EPC2: variants seen among roughly 807,000 people sequenced by gnomAD.
The protein encoded by EPC2 is enhancer of polycomb homolog 2.
Under a neutral mutation model 92.1 loss-of-function variants are expected in EPC2, and 14 were observed. That is an observed-to-expected ratio of 0.15 (90% CI 0.10 to 0.24). The LOEUF is 0.24. Among genes scored for constraint, EPC2 ranks in the 10% least tolerant of loss-of-function variants. The pLI is 1.00. For synonymous variants in EPC2, 340 were observed against 334.7 expected (o/e 1.02, Z -0.17); for missense variants, 755 against 971.5 (o/e 0.78, Z 2.96).
At chr2:148,707,848 AG>A (rs1419855738) in intron 2 of EPC2, among the ~76,000 whole-genome samples, 14 of 152,244 alleles carry the variant, frequency 9.2e-5, no homozygotes, top group Non-Finnish European at 2.9e-5. Context: ...CATTTAAAGC[AG>A]TGTGTGAGGG....
In EPC2 at chr2:148,644,882, G is replaced by C. The variant is rs1683760155; in HGVS notation, c.-136G>C. On this transcript the variant is annotated 5_prime_UTR_variant, in exon 1 of 14. Coordinates refer to ENST00000258484, the MANE Select transcript of EPC2 (RefSeq NM_015630.4). ...GGGTGGGCGCCCATGCTGTGGCCGG[G>C]GGCAGTGAGGAGGAGGAGGAGCGGG... 1.4e-6 allele frequency: 1 copy of C among 736,906 alleles called. No homozygotes were observed. The highest frequency in any genetic ancestry group is 2.2e-6 in the Non-Finnish European group (1 of 457,476). 45.6% of individuals were successfully genotyped at this position (736,906 alleles called of 1,614,324 possible). A position where few individuals can be genotyped will look rare whatever the true frequency, so the allele number is the denominator to read the frequency against.
At chr2:148,778,513 C>G (rs956508216) in intron 10 of EPC2, among the ~76,000 whole-genome samples, 3 of 152,076 alleles carry the variant, frequency 2.0e-5, no homozygotes, top group Admixed American at 6.5e-5. Context: ...TGCTTTCAAT[C>G]AAATTTCTGC....
intron 2 of EPC2, among the ~76,000 whole-genome samples, chr2:148,717,533 C>T (rs1682284177): frequency 6.6e-6 from 1 of 152,132 alleles, no homozygotes; most frequent in Non-Finnish European, 1.5e-5. Flanking sequence ...TGTTCAGTTT[C>T]CATGTAGTTA....
intron 10 of EPC2, among the ~76,000 whole-genome samples, chr2:148,775,658 A>AAATTAAATAAAATTAAATTT (rs1553451005): frequency 1.8e-3 from 252 of 138,578 alleles, no homozygotes; most frequent in African/African-American, 6.4e-3. Context: ...TCTTTAAATA[A>AAATTAAATAAAATTAAATTT]AATTAAATAA....
chr2:148,764,477 G>GT (rs1032835357), intron 6 of EPC2, among the ~76,000 whole-genome samples: 2 of 151,914 alleles, frequency 1.3e-5, no homozygotes, highest in African/African-American at 2.4e-5. Context: ...AAAAGTGAGG[G>GT]TTTTTTTCCT....
At chr2:148,652,779 C>T (rs1304047794) in intron 1 of EPC2, among the ~76,000 whole-genome samples, 1 of 152,114 alleles carries the variant, frequency 6.6e-6, no homozygotes, top group Non-Finnish European at 1.5e-5. Flanking sequence ...TTATGAGGAT[C>T]GATTATATTC....
chr2:148,680,944 G>A (rs1224377760), intron 1 of EPC2, among the ~76,000 whole-genome samples: 3 of 152,172 alleles, frequency 2.0e-5, no homozygotes, highest in East Asian at 3.8e-4. Context: ...ATTTGGGAGA[G>A]GTATGGTGCT....
At chr2:148,776,852 C>CTTTTTT in intron 10 of EPC2, among the ~76,000 whole-genome samples, 1 of 99,856 alleles carries the variant, frequency 1.0e-5, no homozygotes, top group East Asian at 5.3e-4. Flanking sequence ...CCCTGTCTCT[C>CTTTTTT]TCTCTTTTTT....
chr2:148,712,052 C>T (rs978729565), intron 2 of EPC2, among the ~76,000 whole-genome samples: 2 of 151,990 alleles, frequency 1.3e-5, no homozygotes, highest in Non-Finnish European at 2.9e-5. Context: ...GTATTTAGAC[C>T]ATTGATATTT....
intron 2 of EPC2, chr2:148,691,444 G>C: frequency 7.1e-7 from 1 of 1,417,634 alleles, no homozygotes; most frequent in Non-Finnish European, 9.7e-7. Context: ...TTTTTAAAGA[G>C]TTCCCTGTGT....
intron 6 of EPC2, among the ~76,000 whole-genome samples, chr2:148,764,372 A>C (rs542914657): frequency 6.6e-6 from 1 of 152,302 alleles, no homozygotes; most frequent in African/African-American, 2.4e-5. Flanking sequence ...CCCTTCAGTC[A>C]GTGTCTTTGC....
chr2:148,766,294 C>T (rs1683406469), intron 7 of EPC2, among the ~76,000 whole-genome samples: 1 of 152,104 alleles, frequency 6.6e-6, no homozygotes, highest in African/African-American at 2.4e-5. Flanking sequence ...TTGCTATAAC[C>T]ATTTAAAATC....
At chr2:148,716,856 A>G (rs1682272166) in intron 2 of EPC2, among the ~76,000 whole-genome samples, 1 of 152,142 alleles carries the variant, frequency 6.6e-6, no homozygotes, top group African/African-American at 2.4e-5. Flanking sequence ...TTAGCTGTGA[A>G]TCCGTCTGGT....
intron 1 of EPC2, among the ~76,000 whole-genome samples, chr2:148,667,048 TAGAA>T (rs536638541): frequency 1.3e-5 from 2 of 152,276 alleles, no homozygotes; most frequent in African/African-American, 4.8e-5. Flanking sequence ...CACAGATTCT[TAGAA>T]AGGAAATAAT....
intron 3 of EPC2, among the ~76,000 whole-genome samples, chr2:148,748,724 A>C (rs1313373105): frequency 1.3e-5 from 2 of 151,880 alleles, no homozygotes; most frequent in Non-Finnish European, 2.9e-5. Context: ...AATTTTGTGA[A>C]TGAAACAAAG....
At chr2:148,767,254 T>G (rs1044639324) in intron 7 of EPC2, among the ~76,000 whole-genome samples, 1 of 152,020 alleles carries the variant, frequency 6.6e-6, no homozygotes, top group Non-Finnish European at 1.5e-5. Flanking sequence ...ACAGAAACTT[T>G]TATCGGTGGA....
chr2:148,758,585 G>A (rs1031450817), intron 4 of EPC2, among the ~76,000 whole-genome samples: 4 of 151,920 alleles, frequency 2.6e-5, no homozygotes, highest in Non-Finnish European at 5.9e-5. Flanking sequence ...TAGTGGAGAC[G>A]GGGTTTCACT....
intron 1 of EPC2, among the ~76,000 whole-genome samples, chr2:148,681,967 C>T (rs1163134590): frequency 1.3e-5 from 2 of 151,968 alleles, no homozygotes; most frequent in East Asian, 1.9e-4. Flanking sequence ...TGAGAACATG[C>T]GGTGTTTGGT....
intron 2 of EPC2, among the ~76,000 whole-genome samples, chr2:148,706,142 T>TAG (rs1299813316): frequency 6.6e-6 from 1 of 152,058 alleles, no homozygotes; most frequent in African/African-American, 2.4e-5. Flanking sequence ...ATAAACAGTG[T>TAG]AGAGAAGACC....
Sources: gnomAD v4.1 joint callset for allele counts (sites outside exome capture counted in the v4.1 genomes callset) on GRCh38, gnomAD v4.1.1 for gene constraint, MANE v1.5 for transcripts, NCBI Gene and HGNC (gene_info 2026-07-23, HGNC 2026-07-21) for gene names.